The following CERS6 variants were observed in gnomAD, a reference collection of about 807,000 sequenced individuals.
CERS6 encodes the protein LAG1 homolog, ceramide synthase 6.
A neutral mutation model predicts 56.8 loss-of-function variants in CERS6; 26 were observed. The ratio of observed to expected loss-of-function variants is 0.46; its 90% CI spans 0.34 to 0.63. The LOEUF (loss-of-function observed/expected upper bound fraction) is 0.63, where lower values mean the gene tolerates loss of function less well. CERS6 is among the 30% of genes least tolerant of loss of function. The pLI is 0.01. For synonymous variants in CERS6, 164 were observed against 173.3 expected, an observed-to-expected ratio of 0.95 and a Z score of 0.42; for missense variants, 415 against 467.5, an observed-to-expected ratio of 0.89 and a Z score of 1.04.
intron 3 of CERS6, among the ~76,000 whole-genome samples, chr2:168,596,998 G>A (rs1278869801): frequency 6.6e-6 from 1 of 152,120 alleles, no homozygotes; most frequent in Non-Finnish European, 1.5e-5. Flanking sequence ...CTGTGTTCAT[G>A]GCGTCTTTCC....
At chr2:168,565,106 C>T (rs1338960833) in intron 3 of CERS6, among the ~76,000 whole-genome samples, 3 of 152,092 alleles carry the variant, frequency 2.0e-5, no homozygotes, top group Admixed American at 2.0e-4. Context: ...ATTTTAAAGA[C>T]AGAAATTCAG....
At chr2:168,636,306 A>C (rs1310086593) in intron 4 of CERS6, among the ~76,000 whole-genome samples, 1 of 152,202 alleles carries the variant, frequency 6.6e-6, no homozygotes, top group East Asian at 1.9e-4. Context: ...AATAACAACA[A>C]CAACAACTTA....
At chr2:168,533,261 A>T (rs1463861769) in intron 1 of CERS6, among the ~76,000 whole-genome samples, 2 of 152,198 alleles carry the variant, frequency 1.3e-5, no homozygotes, top group Admixed American at 1.3e-4. Flanking sequence ...TATCAGGATG[A>T]TGCTGGCCTC....
chr2:168,515,400 T>TG (rs1453470389), intron 1 of CERS6, among the ~76,000 whole-genome samples: 4 of 151,548 alleles, frequency 2.6e-5, no homozygotes, highest in Middle Eastern at 6.8e-3. Flanking sequence ...GTAGTCACTG[T>TG]GGGAAAAAAA....
intron 8 of CERS6, among the ~76,000 whole-genome samples, chr2:168,737,192 G>A (rs1559073786): frequency 2.0e-5 from 3 of 152,270 alleles, no homozygotes; most frequent in East Asian, 1.9e-4. Flanking sequence ...CATTAGAGCT[G>A]TACTCACTAC....
intron 3 of CERS6, among the ~76,000 whole-genome samples, chr2:168,593,655 T>A (rs1484057742): frequency 6.6e-6 from 1 of 152,216 alleles, no homozygotes; most frequent in African/African-American, 2.4e-5. Context: ...TGTGAAGAAT[T>A]TTTGACAGGT....
chr2:168,609,135 A>G (rs1684124950), intron 3 of CERS6, among the ~76,000 whole-genome samples: 1 of 152,174 alleles, frequency 6.6e-6, no homozygotes, highest in African/African-American at 2.4e-5. Flanking sequence ...GGGAGAGGTT[A>G]TCTTGGATGG....
At chr2:168,503,025 G>C (rs575731820) in intron 1 of CERS6, among the ~76,000 whole-genome samples, 1 of 152,314 alleles carries the variant, frequency 6.6e-6, no homozygotes, top group South Asian at 2.1e-4. Flanking sequence ...TGTTGAGGGA[G>C]TGACCTGGCG....
chr2:168,498,091 C>T (rs1038781621), intron 1 of CERS6, among the ~76,000 whole-genome samples: 12 of 152,152 alleles, frequency 7.9e-5, no homozygotes, highest in African/African-American at 2.2e-4. Context: ...CAATGTAAAA[C>T]GCTGTTATCA....
chr2:168,676,238 T>C lies in CERS6; in HGVS notation c.466-14796T>C, dbSNP rs77259052. On this transcript the variant is annotated intron_variant, in intron 4 of 9. Coordinates refer to ENST00000305747, the MANE Select transcript of CERS6 (RefSeq NM_203463.3). ...TAGTATAGCAAAAGTCAACAAGCAG[T>C]CTTTTTTTAATGTCAGTGGACTTTT... Among the ~76,000 whole-genome samples the C allele has an allele frequency of 6.9e-3, 1,055 of 152,288 alleles. 13 individuals carry two copies. Among genetic ancestry groups the C allele is most frequent in the Middle Eastern group, 0.034 (10 of 294 alleles).
intron 3 of CERS6, among the ~76,000 whole-genome samples, chr2:168,572,400 C>T: frequency 1.3e-5 from 2 of 151,894 alleles, no homozygotes; most frequent in Non-Finnish European, 2.9e-5. Context: ...TTCTCACCCA[C>T]AAATAAAGAG....
At chr2:168,458,760 ACTAT>A (rs1252028174) in intron 1 of CERS6, among the ~76,000 whole-genome samples, 1 of 152,236 alleles carries the variant, frequency 6.6e-6, no homozygotes, top group Non-Finnish European at 1.5e-5. Context: ...CTTTTGGAAG[ACTAT>A]CTACTTTGTT....
chr2:168,507,680 T>G (rs1042879038), intron 1 of CERS6, among the ~76,000 whole-genome samples: 1 of 152,162 alleles, frequency 6.6e-6, no homozygotes, highest in Non-Finnish European at 1.5e-5. Context: ...ATCTTGTTCC[T>G]TATCAAATCT....
intron 8 of CERS6, among the ~76,000 whole-genome samples, chr2:168,741,609 A>G (rs542770945): frequency 5.3e-5 from 8 of 152,212 alleles, no homozygotes; most frequent in Non-Finnish European, 1.0e-4. Flanking sequence ...CACAGGTTGG[A>G]CAAGCTCGAA....
At chr2:168,567,962 C>G (rs984624385) in intron 3 of CERS6, among the ~76,000 whole-genome samples, 1 of 152,204 alleles carries the variant, frequency 6.6e-6, no homozygotes, top group Non-Finnish European at 1.5e-5. Flanking sequence ...CTCGAGTAAG[C>G]CTTTGAAACC....
intron 4 of CERS6, among the ~76,000 whole-genome samples, chr2:168,655,704 G>A (rs1488922860): frequency 6.6e-6 from 1 of 152,184 alleles, no homozygotes; most frequent in Non-Finnish European, 1.5e-5. Flanking sequence ...AACAGCAGCG[G>A]GTAGGTGGGT....
intron 4 of CERS6, among the ~76,000 whole-genome samples, chr2:168,674,539 T>G (rs1257652419): frequency 6.6e-6 from 1 of 152,258 alleles, no homozygotes; most frequent in East Asian, 1.9e-4. Flanking sequence ...TTGCACATTC[T>G]GAATATTATT....
intron 2 of CERS6, among the ~76,000 whole-genome samples, chr2:168,557,534 G>T (rs895970934): frequency 2.0e-5 from 3 of 152,166 alleles, no homozygotes; most frequent in Admixed American, 2.0e-4. Flanking sequence ...TGGAAGAAAA[G>T]ATTTGGATTT....
intron 4 of CERS6, among the ~76,000 whole-genome samples, chr2:168,658,634 A>G (rs942422982): frequency 6.6e-6 from 1 of 152,260 alleles, no homozygotes; most frequent in Non-Finnish European, 1.5e-5. Context: ...AATAGCTAAC[A>G]TGGATTGAGT....
Sources: gnomAD v4.1 joint callset for allele counts (sites outside exome capture counted in the v4.1 genomes callset) on GRCh38, gnomAD v4.1.1 for gene constraint, MANE v1.5 for transcripts, NCBI Gene and HGNC (gene_info 2026-07-23, HGNC 2026-07-21) for gene names.